Variants in GRIN2A observed in about 807,000 individuals in gnomAD.
GRIN2A encodes glutamate receptor ionotropic, NMDA 2A.
GRIN2A carries 22 observed loss-of-function variants against 113.4 expected under a neutral mutation model. The ratio of observed to expected loss-of-function variants is 0.19; its 90% CI spans 0.14 to 0.28. The LOEUF is 0.28. Ranked by LOEUF, GRIN2A falls within the 10% of genes least tolerant of loss-of-function variation. GRIN2A has a pLI of 1.00. For synonymous variants in GRIN2A, 827 were observed against 738.4 expected (o/e 1.12, Z -1.94); for missense variants, 1,502 against 1,887.0 (o/e 0.80, Z 3.78).
At chr16:10,009,005 G>C (rs2046454389) in intron 2 of GRIN2A, among the ~76,000 whole-genome samples, 1 of 152,222 alleles carries the variant, frequency 6.6e-6, no homozygotes. Flanking sequence ...CACTCTGATG[G>C]AGAGAGACAG....
At chr16:9,921,261 T>C (rs913685347) in intron 3 of GRIN2A, among the ~76,000 whole-genome samples, 3 of 152,222 alleles carry the variant, frequency 2.0e-5, no homozygotes, top group Non-Finnish European at 1.5e-5. Flanking sequence ...TTTCCATCAG[T>C]CACACTTTCA....
At position 9,769,250 on chromosome 16, in the gene GRIN2A, GATA is replaced by G. The variant is rs1364164743; in HGVS notation, c.2357-164_2357-162del. On this transcript the variant is annotated intron_variant, in intron 11 of 12. Transcript: ENST00000330684. Reference sequence around the variant, plus strand: ...TCCATTTGCTCACTTCTTGAGTGAAGATAATAATGATTACATAGCCTACCTAAT... The same window carrying G: ...TCCATTTGCTCACTTCTTGAGTGAAGATAATGATTACATAGCCTACCTAAT... 3 of 638,808 alleles carry G rather than the reference GATA, an allele frequency of 4.7e-6. No homozygotes were observed. In the African/African-American group the frequency reaches 5.4e-5, roughly 12 times the overall value. 39.6% of individuals were successfully genotyped at this position (638,808 alleles called of 1,614,324 possible).
chr16:10,030,016 A>C (rs1596442510), intron 2 of GRIN2A, among the ~76,000 whole-genome samples: 1 of 152,002 alleles, frequency 6.6e-6, no homozygotes, highest in Non-Finnish European at 1.5e-5. Flanking sequence ...AAATAAATAA[A>C]TAAAAGTATA....
intron 11 of GRIN2A, among the ~76,000 whole-genome samples, chr16:9,785,433 C>G (rs1372461801): frequency 9.4e-6 from 1 of 106,054 alleles, no homozygotes. Context: ...ACTCTGGGGA[C>G]TGTTGTGGGG....
chr16:10,087,337 G>A (rs553042372), intron 2 of GRIN2A, among the ~76,000 whole-genome samples: 22 of 152,256 alleles, frequency 1.4e-4, no homozygotes, highest in African/African-American at 3.4e-4. Context: ...TGGAATCCTC[G>A]CCAATGTTGG....
chr16:10,159,477 G>A lies in GRIN2A; in HGVS notation c.414+20521C>T, dbSNP rs2049769062. The stretch of plus-strand genomic sequence containing the variant: ...TACTAAGGACTATATCTAGAGAAGA[G>A]GAGCTGATGGGATGCTTGGAGGGCT... On this transcript the variant is annotated intron_variant, in intron 2 of 12. Transcript: ENST00000330684. Among the ~76,000 whole-genome samples, 4 of 152,206 alleles carry A rather than the reference G, an allele frequency of 2.6e-5. No individual in the cohort carries two copies. The South Asian group carries it at 6.2e-4, about 24-fold the overall frequency.
intron 2 of GRIN2A, among the ~76,000 whole-genome samples, chr16:10,155,336 GT>G (rs2049667069): frequency 6.6e-6 from 1 of 152,174 alleles, no homozygotes; most frequent in Non-Finnish European, 1.5e-5. Context: ...GAATATCCTT[GT>G]TGGTCTTTTC....
At chr16:9,987,873 T>C (rs2046009375) in intron 2 of GRIN2A, among the ~76,000 whole-genome samples, 1 of 152,130 alleles carries the variant, frequency 6.6e-6, no homozygotes, top group Non-Finnish European at 1.5e-5. Flanking sequence ...AAAGCCAACA[T>C]CTTTCCAGAC....
intron 3 of GRIN2A, among the ~76,000 whole-genome samples, chr16:9,923,575 G>A (rs181859562): frequency 6.6e-6 from 1 of 151,580 alleles, no homozygotes; most frequent in Admixed American, 6.6e-5. Context: ...GAGCATTGGG[G>A]TTTTTTTAAT....
chr16:9,802,125 G>A (rs1903400321), intron 10 of GRIN2A, among the ~76,000 whole-genome samples: 1 of 152,208 alleles, frequency 6.6e-6, no homozygotes, highest in Admixed American at 6.5e-5. Context: ...TGGTGGGAGT[G>A]TAGATTAGTG....
intron 2 of GRIN2A, among the ~76,000 whole-genome samples, chr16:9,948,961 C>G (rs763353041): frequency 6.6e-6 from 1 of 152,100 alleles, no homozygotes; most frequent in African/African-American, 2.4e-5. Context: ...ATGGACCTGG[C>G]AGTTTTCTAA....
intron 9 of GRIN2A, among the ~76,000 whole-genome samples, chr16:9,826,148 C>G (rs1247485354): frequency 2.0e-5 from 3 of 152,094 alleles, no homozygotes; most frequent in Non-Finnish European, 4.4e-5. Flanking sequence ...ATAATGTCTT[C>G]TCTTTTATAG....
intron 2 of GRIN2A, among the ~76,000 whole-genome samples, chr16:10,020,014 T>C (rs1005567711): frequency 5.9e-5 from 9 of 152,216 alleles, no homozygotes; most frequent in Admixed American, 5.2e-4. Flanking sequence ...CATTTCACAG[T>C]CTACACACTC....
At chr16:9,987,069 G>C (rs1240797157) in intron 2 of GRIN2A, among the ~76,000 whole-genome samples, 1 of 152,146 alleles carries the variant, frequency 6.6e-6, no homozygotes, top group Non-Finnish European at 1.5e-5. Context: ...GAGGTCCATA[G>C]ACTCCAGTAA....
chr16:10,069,390 G>A (rs761959518), intron 2 of GRIN2A, among the ~76,000 whole-genome samples: 6 of 152,224 alleles, frequency 3.9e-5, no homozygotes, highest in African/African-American at 1.4e-4. Flanking sequence ...GTCATCCAGG[G>A]AAGAGACCAT....
intron 3 of GRIN2A, among the ~76,000 whole-genome samples, chr16:9,894,395 G>C (rs1270861394): frequency 6.6e-6 from 1 of 152,150 alleles, no homozygotes; most frequent in African/African-American, 2.4e-5. Flanking sequence ...CTGCACTTGA[G>C]GGGACTTGAA....
chr16:9,895,562 C>A (rs1260372892), intron 3 of GRIN2A, among the ~76,000 whole-genome samples: 2 of 152,132 alleles, frequency 1.3e-5, no homozygotes, highest in African/African-American at 2.4e-5. Flanking sequence ...ACAGATGAGG[C>A]TTTGTAGTAA....
intron 2 of GRIN2A, among the ~76,000 whole-genome samples, chr16:9,987,050 T>C (rs376959618): frequency 3.9e-5 from 6 of 152,168 alleles, no homozygotes; most frequent in Admixed American, 6.5e-5. Context: ...CTTGGCATCA[T>C]TGATGCAGGA....
chr16:10,151,730 A>C (rs2142294119), intron 2 of GRIN2A, among the ~76,000 whole-genome samples: 1 of 152,264 alleles, frequency 6.6e-6, no homozygotes, highest in East Asian at 1.9e-4. Context: ...TCAGCTTTTC[A>C]AAGAAATTTC....
Sources: gnomAD v4.1 joint callset for allele counts (sites outside exome capture counted in the v4.1 genomes callset) on GRCh38, gnomAD v4.1.1 for gene constraint, MANE v1.5 for transcripts, NCBI Gene and HGNC (gene_info 2026-07-23, HGNC 2026-07-21) for gene names.